Variants in TACR3 observed in about 807,000 individuals in gnomAD.
TACR3 encodes the protein neuromedin-K receptor.
TACR3 carries 34 observed loss-of-function variants against 35.0 expected under a neutral mutation model. That is an observed-to-expected ratio of 0.97 (90% CI 0.74 to 1.30). TACR3 has a LOEUF of 1.30. Among genes scored for constraint, TACR3 ranks in the 50% most tolerant of loss-of-function variants. The pLI is 0.00. For missense variants in TACR3, 558 were observed against 591.7 expected, an observed-to-expected ratio of 0.94 and a Z score of 0.59; for synonymous variants, 233 against 221.1, an observed-to-expected ratio of 1.05 and a Z score of -0.48.
intron 1 of TACR3, among the ~76,000 whole-genome samples, chr4:103,710,469 ATC>A (rs1192960838): frequency 6.6e-6 from 1 of 151,294 alleles, no homozygotes; most frequent in African/African-American, 2.4e-5. Context: ...ACATACCAGA[ATC>A]TCTGAGACAC....
At chr4:103,600,154 A>G (rs1007393826) in intron 3 of TACR3, among the ~76,000 whole-genome samples, 1 of 152,086 alleles carries the variant, frequency 6.6e-6, no homozygotes, top group Non-Finnish European at 1.5e-5. Flanking sequence ...GTCTATTCAG[A>G]GATTCAACTT....
At chr4:103,606,823 G>A (rs145433230) in intron 3 of TACR3, among the ~76,000 whole-genome samples, 12 of 152,008 alleles carry the variant, frequency 7.9e-5, no homozygotes, top group South Asian at 2.1e-4. Context: ...TTCCTTCTCC[G>A]GCCTAATTGC....
chr4:103,637,268 G>A (rs111682726), intron 3 of TACR3, among the ~76,000 whole-genome samples: 55,038 of 151,962 alleles, frequency 0.36, 10,587 homozygotes, highest in African/African-American at 0.5. Flanking sequence ...TCCCTGGGAT[G>A]CAAGACTGGT....
At chr4:103,684,368 T>C (rs915436521) in intron 1 of TACR3, among the ~76,000 whole-genome samples, 2 of 152,132 alleles carry the variant, frequency 1.3e-5, no homozygotes, top group African/African-American at 2.4e-5. Flanking sequence ...TTGACAAGGA[T>C]GCAGAATACA....
intron 3 of TACR3, among the ~76,000 whole-genome samples, chr4:103,655,715 AGT>A (rs1356382633): frequency 1.3e-5 from 2 of 152,072 alleles, no homozygotes; most frequent in East Asian, 1.9e-4. Context: ...ACACAGAGAA[AGT>A]GAGAGAGAAA....
At chr4:103,715,965 G>C (rs1393480450) in intron 1 of TACR3, among the ~76,000 whole-genome samples, 1 of 151,966 alleles carries the variant, frequency 6.6e-6, no homozygotes, top group East Asian at 1.9e-4. Flanking sequence ...TTTGATTAAA[G>C]GTAATGACTT....
At chr4:103,711,225 T>C (rs1049605715) in intron 1 of TACR3, among the ~76,000 whole-genome samples, 4 of 152,156 alleles carry the variant, frequency 2.6e-5, no homozygotes, top group Non-Finnish European at 5.9e-5. Flanking sequence ...CTGATGAACA[T>C]TGATGCAAAA....
intron 3 of TACR3, among the ~76,000 whole-genome samples, chr4:103,623,555 T>C (rs1324670507): frequency 6.6e-6 from 1 of 152,140 alleles, no homozygotes. Flanking sequence ...CATTTTAGGT[T>C]ATGAGACTTA....
chr4:103,628,107 G>C (rs1184485305), intron 3 of TACR3, among the ~76,000 whole-genome samples: 1 of 152,156 alleles, frequency 6.6e-6, no homozygotes, highest in South Asian at 2.1e-4. Flanking sequence ...TGAGAAAAAA[G>C]ACACAAGGTA....
At chr4:103,674,860 A>G (rs1726134587) in intron 1 of TACR3, among the ~76,000 whole-genome samples, 1 of 152,092 alleles carries the variant, frequency 6.6e-6, no homozygotes, top group South Asian at 2.1e-4. Context: ...TACATGTTTT[A>G]ATTGGTACTG....
intron 3 of TACR3, among the ~76,000 whole-genome samples, chr4:103,594,283 T>A (rs1302868808): frequency 6.6e-6 from 1 of 151,860 alleles, no homozygotes; most frequent in African/African-American, 2.4e-5. Context: ...GTTCAAGTAA[T>A]TCTTCTGCCT....
At chr4:103,639,436 T>A (rs1010313563) in intron 3 of TACR3, among the ~76,000 whole-genome samples, 2 of 151,688 alleles carry the variant, frequency 1.3e-5, no homozygotes, top group Non-Finnish European at 2.9e-5. Context: ...CACCAGGGAC[T>A]GTTGTGGGGT....
chr4:103,677,444 A>G (rs746581846), intron 1 of TACR3, among the ~76,000 whole-genome samples: 1 of 152,178 alleles, frequency 6.6e-6, no homozygotes, highest in Non-Finnish European at 1.5e-5. Context: ...AAAAACAAAG[A>G]CATATAATCA....
intron 1 of TACR3, among the ~76,000 whole-genome samples, chr4:103,703,860 G>A (rs568803911): frequency 6.6e-6 from 1 of 151,880 alleles, no homozygotes; most frequent in Non-Finnish European, 1.5e-5. Flanking sequence ...CAGCACTTTG[G>A]GAGGCTGAGG....
chr4:103,604,921 C>A (rs1438731983), intron 3 of TACR3, among the ~76,000 whole-genome samples: 17 of 150,522 alleles, frequency 1.1e-4, no homozygotes, highest in Non-Finnish European at 2.1e-4. Flanking sequence ...TGCTGGTGCA[C>A]TGCACCCACT....
At chr4:103,717,211 G>T (rs1723108917) in intron 1 of TACR3, among the ~76,000 whole-genome samples, 1 of 151,768 alleles carries the variant, frequency 6.6e-6, no homozygotes, top group Admixed American at 6.6e-5. Context: ...TTTTAAACAA[G>T]ATTTCTGTAT....
intron 3 of TACR3, among the ~76,000 whole-genome samples, chr4:103,595,651 ATTAGT>A (rs1723989661): frequency 6.6e-6 from 1 of 152,138 alleles, no homozygotes; most frequent in Non-Finnish European, 1.5e-5. Flanking sequence ...AAAAGCAAAA[ATTAGT>A]TTAGGAAATT....
intron 3 of TACR3, among the ~76,000 whole-genome samples, chr4:103,609,566 CAG>C (rs1240535803): frequency 6.6e-6 from 1 of 151,992 alleles, no homozygotes; most frequent in African/African-American, 2.4e-5. Context: ...TCAGGGTAAA[CAG>C]AATACTTATC....
chr4:103,602,200 C>T (rs559783589), intron 3 of TACR3, among the ~76,000 whole-genome samples: 4 of 152,174 alleles, frequency 2.6e-5, no homozygotes, highest in South Asian at 2.1e-4. Flanking sequence ...CTTCTGCATT[C>T]GTCACGTAGC....
Sources: allele counts gnomAD v4.1 joint callset (sites outside exome capture counted in the v4.1 genomes callset), GRCh38; gene constraint gnomAD v4.1.1; transcripts MANE v1.5; gene names NCBI Gene and HGNC (gene_info 2026-07-23, HGNC 2026-07-21).